Variants in MCTP1 observed in about 807,000 individuals in gnomAD.
The protein encoded by MCTP1 is multiple C2 and transmembrane domain containing 1.
Under a neutral mutation model 120.6 loss-of-function variants are expected in MCTP1, and 69 were observed. The ratio of observed to expected loss-of-function variants is 0.57; its 90% CI spans 0.47 to 0.70. MCTP1 has a LOEUF of 0.70. Ranked by LOEUF, MCTP1 falls within the 30% of genes least tolerant of loss-of-function variation. The pLI is 0.00. For missense variants in MCTP1, 1,203 were observed against 1,248.8 expected (o/e 0.96, Z 0.55); for synonymous variants, 529 against 493.1 (o/e 1.07, Z -0.96).
intron 17 of MCTP1, among the ~76,000 whole-genome samples, chr5:94,862,528 T>A (rs1477711634): frequency 1.3e-5 from 2 of 151,736 alleles, no homozygotes; most frequent in African/African-American, 4.8e-5. Flanking sequence ...CAAACTGAAC[T>A]AGAGCCTCAC....
chr5:95,061,231 A>G (rs1048318185), intron 1 of MCTP1, among the ~76,000 whole-genome samples: 1 of 151,702 alleles, frequency 6.6e-6, no homozygotes, highest in African/African-American at 2.4e-5. Context: ...AAATAAACAC[A>G]CAGAGGGAAT....
chr5:94,895,404 G>C (rs562183897), intron 10 of MCTP1, among the ~76,000 whole-genome samples: 2 of 152,234 alleles, frequency 1.3e-5, no homozygotes, highest in South Asian at 4.1e-4. Context: ...CAAGTGTTAG[G>C]CACCTGAGTT....
At chr5:94,708,891 C>T (rs1755704289) in intron 21 of MCTP1, 2 of 257,450 alleles carry the variant, frequency 7.8e-6, no homozygotes, top group East Asian at 1.6e-4. Context: ...CCCTGTGTTA[C>T]AGTCTACTTA....
intron 19 of MCTP1, among the ~76,000 whole-genome samples, chr5:94,725,864 G>A (rs1325778737): frequency 6.6e-6 from 1 of 152,080 alleles, no homozygotes; most frequent in Non-Finnish European, 1.5e-5. Context: ...ATAAATATCT[G>A]GAACATAGGA....
At chr5:94,983,518 T>C (rs918389505) in intron 2 of MCTP1, among the ~76,000 whole-genome samples, 10 of 152,096 alleles carry the variant, frequency 6.6e-5, no homozygotes, top group African/African-American at 1.7e-4. Context: ...AAAAATATAG[T>C]GGCTTGGTCA....
At chr5:95,019,625 G>A (rs1339152575) in intron 1 of MCTP1, among the ~76,000 whole-genome samples, 1 of 151,898 alleles carries the variant, frequency 6.6e-6, no homozygotes, top group Non-Finnish European at 1.5e-5. Flanking sequence ...TTTCCAAAAG[G>A]TTTACATAAT....
At position 95,284,018 on chromosome 5, in the gene MCTP1, A is replaced by G; in HGVS notation, c.558T>C (p.Arg186=). The G allele has an allele frequency of 6.7e-7, 1 of 1,488,368 alleles. No homozygotes were observed. Among genetic ancestry groups the G allele is most frequent in the South Asian group, 1.4e-5 (1 of 73,318 alleles). The allele number at this position is 1,488,368 out of a possible 1,614,324, so 92.2% of individuals were successfully genotyped here. A position where few individuals can be genotyped will look rare whatever the true frequency, so the allele number is the denominator to read the frequency against. Residue 186 remains arginine (R), a synonymous_variant, in exon 1 of 23, where the codon CGT becomes CGC. Coordinates refer to ENST00000515393, the MANE Select transcript of MCTP1 (RefSeq NM_024717.7). The surrounding 1 kb of genome is among the most constrained non-coding windows in gnomAD (Gnocchi z 5.2). ...GGCACAAGTGCGCCCCGGGGCCCTGACGCCGTGCACCCTCATCTCGGGCGC... is the reference window on the plus strand; with the variant it reads ...GGCACAAGTGCGCCCCGGGGCCCTGGCGCCGTGCACCCTCATCTCGGGCGC... ...GDRARDEGAR[R]QGPGAHLCHQ... is the part of the protein sequence containing the mutation.
chr5:94,907,128 A>T (rs1007534525), intron 10 of MCTP1, among the ~76,000 whole-genome samples: 3 of 152,210 alleles, frequency 2.0e-5, no homozygotes, highest in Non-Finnish European at 4.4e-5. Flanking sequence ...ATACTTAGGT[A>T]TAATAACATG....
chr5:94,971,002 G>T (rs1826726399), intron 2 of MCTP1, among the ~76,000 whole-genome samples: 1 of 152,006 alleles, frequency 6.6e-6, no homozygotes, highest in Non-Finnish European at 1.5e-5. Context: ...TAATTGCAAT[G>T]ATTCTGGGAT....
At chr5:94,884,418 A>G (rs192769556) in intron 12 of MCTP1, among the ~76,000 whole-genome samples, 27 of 152,212 alleles carry the variant, frequency 1.8e-4, no homozygotes, top group Admixed American at 1.4e-3. Flanking sequence ...TCCAATTTAA[A>G]CAAGTCCCCA....
chr5:94,768,620 C>T (rs1773356611), intron 19 of MCTP1, among the ~76,000 whole-genome samples: 1 of 152,042 alleles, frequency 6.6e-6, no homozygotes. Context: ...AAATGGCTAA[C>T]AGACATATGA....
chr5:95,023,811 T>A (rs759995416), intron 1 of MCTP1, among the ~76,000 whole-genome samples: 30 of 152,222 alleles, frequency 2.0e-4, no homozygotes, highest in Non-Finnish European at 3.2e-4. Flanking sequence ...CTCACATATA[T>A]TAAAAGCTCT....
At chr5:94,899,196 A>ACATCT (rs1245692052) in intron 10 of MCTP1, among the ~76,000 whole-genome samples, 1 of 152,202 alleles carries the variant, frequency 6.6e-6, no homozygotes, top group Non-Finnish European at 1.5e-5. Context: ...AGCTCTCCTG[A>ACATCT]CATCTGTTTT....
At chr5:94,798,101 TAA>T (rs11300597) in intron 18 of MCTP1, among the ~76,000 whole-genome samples, 40,592 of 148,162 alleles carry the variant, frequency 0.27, 6,417 homozygotes, top group Non-Finnish European at 0.37. Context: ...TCCTTGATGG[TAA>T]AAAAAAAAAA....
chr5:94,854,294 C>A (rs1022792573), intron 17 of MCTP1, among the ~76,000 whole-genome samples: 3 of 151,648 alleles, frequency 2.0e-5, no homozygotes, highest in South Asian at 2.1e-4. Flanking sequence ...GTTTGAGGTA[C>A]GGGTCATGAA....
At chr5:95,148,548 T>C (rs748767661) in intron 1 of MCTP1, among the ~76,000 whole-genome samples, 5 of 152,200 alleles carry the variant, frequency 3.3e-5, no homozygotes, top group Admixed American at 6.5e-5. Flanking sequence ...AGAAGTTCAA[T>C]TTGGTACTTT....
chr5:95,202,310 G>A (rs1288054163), intron 1 of MCTP1, among the ~76,000 whole-genome samples: 1 of 152,162 alleles, frequency 6.6e-6, no homozygotes, highest in African/African-American at 2.4e-5. Flanking sequence ...AGGTTCTCAG[G>A]CTTTTGGCCT....
At chr5:95,230,504 C>T (rs190085699) in intron 1 of MCTP1, among the ~76,000 whole-genome samples, 2 of 152,116 alleles carry the variant, frequency 1.3e-5, no homozygotes, top group East Asian at 3.9e-4. Context: ...TTCTAGTGAG[C>T]CCTGTGGGAG....
At chr5:94,779,000 C>A in intron 19 of MCTP1, 110 bp downstream of exon 19, 2 of 920,246 alleles carry the variant, frequency 2.2e-6, no homozygotes, top group South Asian at 1.4e-5. Flanking sequence ...CAGCACTGTC[C>A]AATTTTCTGG....
Sources: gnomAD v4.1 joint callset for allele counts (sites outside exome capture counted in the v4.1 genomes callset) on GRCh38, gnomAD v4.1.1 for gene constraint, Gnocchi (gnomAD v3.1) non-coding constraint, MANE v1.5 for transcripts, NCBI Gene and HGNC (gene_info 2026-07-23, HGNC 2026-07-21) for gene names.